The following SYN2 variants were observed in gnomAD, a reference collection of about 807,000 sequenced individuals.
SYN2 encodes the protein synapsin II, also known as synapsin-2.
Under a neutral mutation model 50.9 loss-of-function variants are expected in SYN2, and 19 were observed. That is an observed-to-expected ratio of 0.37 (90% CI 0.26 to 0.55). The LOEUF is 0.55. SYN2 is among the 20% of genes least tolerant of loss of function. The pLI, the probability that SYN2 is intolerant of heterozygous loss-of-function variation, is 0.81. For synonymous variants in SYN2, 255 were observed against 224.9 expected (o/e 1.13, Z -1.20); for missense variants, 587 against 576.4 (o/e 1.02, Z -0.19).
At chr3:12,014,181 G>A (rs1693973735) in intron 1 of SYN2, among the ~76,000 whole-genome samples, 1 of 152,172 alleles carries the variant, frequency 6.6e-6, no homozygotes. Context: ...CAGACAGGCT[G>A]AATGTTTCAT....
intron 1 of SYN2, chr3:12,070,322 C>A: frequency 2.0e-6 from 1 of 504,948 alleles, no homozygotes; most frequent in Non-Finnish European, 4.0e-6. Context: ...GTGTTCCCCT[C>A]CATCCTTAGG....
chr3:12,049,513 C>A (rs1225650374), intron 1 of SYN2, among the ~76,000 whole-genome samples: 3 of 56,484 alleles, frequency 5.3e-5, no homozygotes, highest in Admixed American at 4.8e-4. Flanking sequence ...AGTGAGACTC[C>A]GTCTCAAAAA....
chr3:12,152,769 CAGAAG>C (rs894875380), intron 5 of SYN2, among the ~76,000 whole-genome samples: 4 of 152,158 alleles, frequency 2.6e-5, no homozygotes, highest in African/African-American at 9.7e-5. Flanking sequence ...TTAAAAGAGA[CAGAAG>C]AGAAGCCTTA....
intron 3 of SYN2, among the ~76,000 whole-genome samples, chr3:12,143,596 T>G (rs1343141422): frequency 2.0e-5 from 3 of 152,176 alleles, no homozygotes. Context: ...AGCTCCATCT[T>G]TGTTGCTGCA....
At chr3:12,134,112 G>T (rs936810730) in intron 1 of SYN2, among the ~76,000 whole-genome samples, 9 of 152,124 alleles carry the variant, frequency 5.9e-5, no homozygotes, top group African/African-American at 2.2e-4. Context: ...TGTCTGTTTT[G>T]CCACTGTAAA....
intron 1 of SYN2, among the ~76,000 whole-genome samples, chr3:12,080,872 C>G (rs552161637): frequency 6.6e-6 from 1 of 152,196 alleles, no homozygotes; most frequent in African/African-American, 2.4e-5. Context: ...AATTTTCTGT[C>G]TCAATTATCT....
intron 1 of SYN2, among the ~76,000 whole-genome samples, chr3:12,069,406 G>A (rs1185446011): frequency 3.3e-5 from 5 of 152,022 alleles, no homozygotes; most frequent in Non-Finnish European, 7.4e-5. Flanking sequence ...ATGCCACCAC[G>A]TGTGGCTAAT....
chr3:12,018,012 A>G (rs1241956199), intron 1 of SYN2, among the ~76,000 whole-genome samples: 4 of 152,324 alleles, frequency 2.6e-5, no homozygotes, highest in South Asian at 2.1e-4. Flanking sequence ...CCTCCACACA[A>G]TAGAATCTGT....
At chr3:12,065,110 G>A (rs960949754) in intron 1 of SYN2, among the ~76,000 whole-genome samples, 4 of 152,086 alleles carry the variant, frequency 2.6e-5, no homozygotes, top group African/African-American at 9.7e-5. Context: ...AAAGACGCCA[G>A]TAACAATCAT....
chr3:12,050,707 TTC>T (rs1559399650), intron 1 of SYN2, among the ~76,000 whole-genome samples: 2 of 126,482 alleles, frequency 1.6e-5, no homozygotes, highest in East Asian at 2.3e-4. Flanking sequence ...CTTTCTTCTC[TTC>T]TCTTTTTTTT....
intron 1 of SYN2, among the ~76,000 whole-genome samples, chr3:12,092,801 A>C (rs962188126): frequency 9.9e-5 from 15 of 152,224 alleles, no homozygotes; most frequent in Non-Finnish European, 2.1e-4. Context: ...TTAACATTTG[A>C]GAGGTGGAAG....
chr3:12,170,001 T>C lies in SYN2; in HGVS notation c.1308+95T>C, dbSNP rs1250878622. On this transcript the variant is annotated intron_variant, in intron 10 of 12. Coordinates refer to ENST00000621198, the MANE Select transcript of SYN2 (RefSeq NM_133625.6). ...GCTAAAGAATGGAGTACAGGCCAGA[T>C]GCCCACAGGCCTAAATGGGATCTAA... The C allele has an allele frequency of 2.1e-6, 3 of 1,425,906 alleles. No homozygotes were observed. The African/African-American group carries it at 4.3e-5, about 20-fold the overall frequency. 88.3% of individuals were successfully genotyped at this position (1,425,906 alleles called of 1,614,324 possible). A position where few individuals can be genotyped will look rare whatever the true frequency, so the allele number is the denominator to read the frequency against.
At chr3:12,162,247 C>T in intron 7 of SYN2, 93 bp downstream of exon 7, 1 of 1,482,604 alleles carries the variant, frequency 6.7e-7, no homozygotes, top group Non-Finnish European at 9.0e-7. Context: ...GAGAGGGTGC[C>T]ACTTAAGTCA....
chr3:12,041,714 A>C (rs1399631862), intron 1 of SYN2, among the ~76,000 whole-genome samples: 1 of 152,114 alleles, frequency 6.6e-6, no homozygotes, highest in East Asian at 1.9e-4. Flanking sequence ...TGCTTTCATC[A>C]TGGCATTCTC....
intron 1 of SYN2, among the ~76,000 whole-genome samples, chr3:12,034,430 A>G (rs998344501): frequency 6.6e-6 from 1 of 152,184 alleles, no homozygotes; most frequent in Non-Finnish European, 1.5e-5. Flanking sequence ...CATTCTTTAT[A>G]TGTTCTAGAT....
At chr3:12,153,260 T>G (rs1697356646) in intron 5 of SYN2, 1 of 555,062 alleles carries the variant, frequency 1.8e-6, no homozygotes, top group Non-Finnish European at 3.2e-6. Context: ...GAAAACAGAC[T>G]AAGCCAGAAG....
chr3:12,072,445 T>C (rs1274844127), intron 1 of SYN2, among the ~76,000 whole-genome samples: 2 of 152,356 alleles, frequency 1.3e-5, no homozygotes, highest in East Asian at 3.9e-4. Context: ...TTCAGAATTT[T>C]ATAGATTTAG....
At chr3:12,183,795 G>C (rs1204190349) in intron 11 of SYN2, 6 of 1,043,482 alleles carry the variant, frequency 5.7e-6, no homozygotes, top group African/African-American at 1.7e-5. Context: ...TGGGAGTAGG[G>C]GGGTGGACAG....
intron 1 of SYN2, among the ~76,000 whole-genome samples, chr3:12,123,334 A>T (rs1410244609): frequency 6.6e-6 from 1 of 152,246 alleles, no homozygotes; most frequent in African/African-American, 2.4e-5. Flanking sequence ...AAGAGCATCC[A>T]AAGATAAAAG....
Sources: allele counts gnomAD v4.1 joint callset (sites outside exome capture counted in the v4.1 genomes callset), GRCh38; gene constraint gnomAD v4.1.1; transcripts MANE v1.5; gene names NCBI Gene and HGNC (gene_info 2026-07-23, HGNC 2026-07-21).